The following PAFAH2 variants were observed in gnomAD, a reference collection of about 807,000 sequenced individuals.
PAFAH2 encodes platelet-activating factor acetylhydrolase 2, cytoplasmic.
PAFAH2 carries 42 observed loss-of-function variants against 49.0 expected under a neutral mutation model. That is an observed-to-expected ratio of 0.86 (90% CI 0.67 to 1.11). The LOEUF (loss-of-function observed/expected upper bound fraction) is 1.11. Among genes scored for constraint, PAFAH2 ranks in the 50% least tolerant of loss-of-function variants. The pLI, the probability that PAFAH2 is intolerant of heterozygous loss-of-function variation, is 0.00. For synonymous variants in PAFAH2, 184 were observed against 181.3 expected, an observed-to-expected ratio of 1.01 and a Z score of -0.12; for missense variants, 503 against 501.8, an observed-to-expected ratio of 1.00 and a Z score of -0.02.
At position 25,961,780 on chromosome 1, in the gene PAFAH2, T is replaced by C; in HGVS notation, c.*209A>G. 1 of 477,208 alleles carries C rather than the reference T, an allele frequency of 2.1e-6. No individual in the cohort carries two copies. The highest frequency in any genetic ancestry group is 3.7e-6 in the Non-Finnish European group (1 of 268,070). The allele number at this position is 477,208 out of a possible 1,614,324, so 29.6% of individuals were successfully genotyped here. On this transcript the variant is annotated 3_prime_UTR_variant, in exon 11 of 11. Transcript: ENST00000374282. ...ATCAAGGTCCCAGAAAGTCTGTTTG[T>C]CAATCAGCAAGGGATCCCAGTCCCA...
chr1:25,981,315 G>A (rs540934178), intron 7 of PAFAH2, among the ~76,000 whole-genome samples: 11 of 143,244 alleles, frequency 7.7e-5, no homozygotes, highest in Non-Finnish European at 1.4e-4. Flanking sequence ...TCATGCTTTT[G>A]TGAAATTTCT....
In PAFAH2 at chr1:25,982,376, C is replaced by T; in HGVS notation, c.654G>A (p.Leu218=). The T allele has an allele frequency of 6.2e-7, 1 of 1,613,460 alleles. No individual in the cohort carries two copies. The highest frequency in any genetic ancestry group is 8.5e-7 in the Non-Finnish European group (1 of 1,179,412). ...ATTGCTTCCATACCTTCAAAGTCAT[C>T]AGATCCAAGCCACCAGGCAAGATGT... ...VFNILPGGLD[L]MTLKGNIDMS... is the part of the protein sequence containing the mutation. Residue 218 remains leucine (L), a synonymous_variant, in exon 7 of 11, where the codon CTG becomes CTA. Coordinates refer to ENST00000374282, the MANE Select transcript of PAFAH2 (RefSeq NM_000437.4).
In PAFAH2 at chr1:25,961,927, GCCCTTGGGTAGCTCCC is replaced by G; in HGVS notation, c.*46_*61del. 8.2e-7 allele frequency: 1 copy of G among 1,214,188 alleles called. No homozygotes were observed. The highest frequency in any genetic ancestry group is 1.7e-5 in the Admixed American group (1 of 57,546). 75.2% of individuals were successfully genotyped at this position (1,214,188 alleles called of 1,614,324 possible). ...CACTTCTTGATAGGAGCTCATGGGT[GCCCTTGGGTAGCTCCC>G]AAATGAAAACTTGGCTGAAGTGACT... On this transcript the variant is annotated 3_prime_UTR_variant, in exon 11 of 11. Transcript: ENST00000374282.
At chr1:25,984,804 T>C (rs1255897458) in intron 4 of PAFAH2, among the ~76,000 whole-genome samples, 2 of 151,664 alleles carry the variant, frequency 1.3e-5, no homozygotes, top group Admixed American at 6.6e-5. Context: ...CCCACTTTTC[T>C]AGGGAAGGCA....
At chr1:25,975,316 C>T (rs544629320) in intron 8 of PAFAH2, among the ~76,000 whole-genome samples, 6 of 152,132 alleles carry the variant, frequency 3.9e-5, no homozygotes, top group South Asian at 4.1e-4. Flanking sequence ...GGTGGTTCAT[C>T]CCTGTAATCC....
chr1:25,985,096 A>G (rs2049762416), intron 4 of PAFAH2, among the ~76,000 whole-genome samples: 1 of 151,940 alleles, frequency 6.6e-6, no homozygotes, highest in Admixed American at 6.6e-5. Flanking sequence ...TGACCTCGTG[A>G]TCCGCCCACC....
At chr1:25,973,924 A>G (rs1026943918) in intron 9 of PAFAH2, among the ~76,000 whole-genome samples, 1 of 152,200 alleles carries the variant, frequency 6.6e-6, no homozygotes, top group African/African-American at 2.4e-5. Context: ...GTCACTAAAA[A>G]TGTTTTTTTC....
Position 25,962,018 on chromosome 1 carries a change from C to G in PAFAH2, c.1150G>C (p.Gly384Arg), listed in dbSNP as rs1488242163. 3 of 1,613,792 alleles carry G rather than the reference C, an allele frequency of 1.9e-6. No individual in the cohort carries two copies. In the African/African-American group the frequency reaches 4.0e-5, roughly 22 times the overall value. The change falls in exon 11 of 11, where the codon GGG becomes CGG. Residue 384 changes from glycine (G) to arginine (R), a missense_variant. Gly to Arg is a moderately radical substitution (Grantham distance 125, BLOSUM62 -2). Coordinates refer to ENST00000374282, the MANE Select transcript of PAFAH2 (RefSeq NM_000437.4). ...AGGCTGGACAGATGGTGGGGGGCCCCTGGGGTGAGCGACGGTCCAATGCCT... is the reference window on the plus strand; with the variant it reads ...AGGCTGGACAGATGGTGGGGGGCCCGTGGGGTGAGCGACGGTCCAATGCCT... The part of the protein sequence containing the change: ...IEGIGPSLTP[G>R]APHHLSSL
chr1:25,968,164 CTAAATAAATAAA>C (rs559299730), intron 10 of PAFAH2, among the ~76,000 whole-genome samples: 1 of 150,968 alleles, frequency 6.6e-6, no homozygotes, highest in South Asian at 2.1e-4. Flanking sequence ...AGACTCTGTC[CTAAATAAATAAA>C]TAAATAAATA....
At chr1:25,982,237 A>G (rs1304094944) in intron 7 of PAFAH2, 127 bp downstream of exon 7, 4 of 683,516 alleles carry the variant, frequency 5.9e-6, no homozygotes, top group African/African-American at 3.6e-5. Context: ...TTGGCCTTTG[A>G]TCTTCTTGAT....
At chr1:25,973,374 A>G (rs912255580) in intron 9 of PAFAH2, among the ~76,000 whole-genome samples, 1 of 152,240 alleles carries the variant, frequency 6.6e-6, no homozygotes, top group Admixed American at 6.5e-5. Context: ...TCTAAATGCT[A>G]AAGTATTTGT....
At position 25,983,984 on chromosome 1, in the gene PAFAH2, C is replaced by T. The variant is rs1182197522; in HGVS notation, c.514G>A (p.Glu172Lys). The T allele has an allele frequency of 6.2e-7, 1 of 1,614,202 alleles. No homozygotes were observed. Among genetic ancestry groups the T allele is most frequent in the Non-Finnish European group, 8.5e-7 (1 of 1,180,026 alleles). Residue 172 changes from glutamate to lysine, a missense_variant, in exon 6 of 11, where the codon GAG (glutamate) becomes AAG (lysine). Coordinates refer to ENST00000374282, the MANE Select transcript of PAFAH2 (RefSeq NM_000437.4). ...QEEWIPFRRV[E>K]EGEKEFHVRN... ...ACATGAAATTCCTTCTCCCCTTCCT[C>T]AACTCGACGGAAAGGGATCCATTCC...
rs1431862909 is a variant in PAFAH2, at chr1:25,960,807, TTC to T, written c.*1180_*1181del. The T allele has an allele frequency of 2.5e-5, 2 of 79,622 alleles. No homozygotes were observed. Among genetic ancestry groups the T allele is most frequent in the Admixed American group, 3.8e-4 (2 of 5,258 alleles). 4.9% of individuals were successfully genotyped at this position (79,622 alleles called of 1,614,324 possible). On this transcript the variant is annotated 3_prime_UTR_variant, in exon 11 of 11. Transcript: ENST00000374282. ...TTTTATTTATTTTAAATTTTTCTTT[TTC>T]TTTTTTTTTTTTTTAAGACAGAGTC...
intron 8 of PAFAH2, 22 bp from the exon 9 acceptor site, chr1:25,974,672 G>A: frequency 2.5e-6 from 4 of 1,602,704 alleles, no homozygotes; most frequent in Non-Finnish European, 3.4e-6. Context: ...CCAGACATTT[G>A]GAATTGCCAT....
In PAFAH2 at chr1:25,972,550, C is replaced by T. The variant is rs1279627052; in HGVS notation, c.1084+8G>A. 5 of 1,611,612 alleles carry T rather than the reference C, an allele frequency of 3.1e-6. No homozygotes were observed. The highest frequency in any genetic ancestry group is 3.4e-6 in the Non-Finnish European group (4 of 1,178,498). ...CAGCTGCCCCAAGAGCCCCAGTTTT[C>T]TCCTTACCGAGGTGCTTCTGCAGGA... On this transcript the variant is annotated splice_region_variant and intron_variant, in intron 10 of 10. Transcript: ENST00000374282.
chr1:25,966,535 G>A (rs1028487645), intron 10 of PAFAH2, among the ~76,000 whole-genome samples: 6 of 152,122 alleles, frequency 3.9e-5, no homozygotes, highest in African/African-American at 1.2e-4. Context: ...ATGCTGTACC[G>A]AATGCTGTCA....
intron 8 of PAFAH2, among the ~76,000 whole-genome samples, chr1:25,976,146 T>C (rs1018981851): frequency 6.6e-6 from 1 of 152,140 alleles, no homozygotes; most frequent in African/African-American, 2.4e-5. Context: ...CCTGTTTTCT[T>C]TTTTCTGTTT....
At chr1:25,971,400 T>C (rs1355276909) in intron 10 of PAFAH2, among the ~76,000 whole-genome samples, 2 of 151,560 alleles carry the variant, frequency 1.3e-5, no homozygotes, top group African/African-American at 4.9e-5. Context: ...CAGTGGGAGC[T>C]GAAGATGAAA....
At chr1:25,973,510 G>A (rs145094300) in intron 9 of PAFAH2, among the ~76,000 whole-genome samples, 217 of 152,288 alleles carry the variant, frequency 1.4e-3, no homozygotes, top group African/African-American at 4.6e-3. Flanking sequence ...ATTGCCAGGC[G>A]TTAAGTCCCC....
Sources: gnomAD v4.1 joint callset for allele counts (sites outside exome capture counted in the v4.1 genomes callset) on GRCh38, gnomAD v4.1.1 for gene constraint, MANE v1.5 for transcripts, NCBI Gene and HGNC (gene_info 2026-07-23, HGNC 2026-07-21) for gene names.